Variants in SLC30A8 observed in about 807,000 individuals in gnomAD.
SLC30A8 encodes solute carrier family 30 member 8.
A neutral mutation model predicts 36.9 loss-of-function variants in SLC30A8; 27 were observed. The observed-to-expected ratio is 0.73, with a 90% confidence interval of 0.54 to 1.01. The LOEUF (loss-of-function observed/expected upper bound fraction) is 1.01. SLC30A8 is among the 50% of genes least tolerant of loss of function. The probability of loss-of-function intolerance (pLI) is 0.00; values close to 1 mark genes in which losing one functional copy is unlikely to be tolerated. For missense variants in SLC30A8, 439 were observed against 452.0 expected (o/e 0.97, Z 0.26); for synonymous variants, 164 against 172.4 (o/e 0.95, Z 0.38).
chr8:117,000,998 C>G (rs1488905834), intron 1 of SLC30A8, among the ~76,000 whole-genome samples: 3 of 151,754 alleles, frequency 2.0e-5, no homozygotes, highest in Non-Finnish European at 4.4e-5. Context: ...TCCATTTTCC[C>G]CTTCATCTTT....
intron 1 of SLC30A8, among the ~76,000 whole-genome samples, chr8:117,142,924 G>A (rs1465380558): frequency 1.3e-5 from 2 of 152,034 alleles, no homozygotes; most frequent in Non-Finnish European, 1.5e-5. Flanking sequence ...GCCCTTTTTA[G>A]GTATGCAGTA....
chr8:117,014,107 C>T (rs1816431920), intron 1 of SLC30A8, among the ~76,000 whole-genome samples: 1 of 152,082 alleles, frequency 6.6e-6, no homozygotes, highest in African/African-American at 2.4e-5. Flanking sequence ...CGTTTAATGG[C>T]AAAACCGCAA....
chr8:117,139,563 A>G (rs1265479569), intron 1 of SLC30A8, among the ~76,000 whole-genome samples: 1 of 152,116 alleles, frequency 6.6e-6, no homozygotes, highest in Non-Finnish European at 1.5e-5. Flanking sequence ...GAAGCAGACA[A>G]ATTTAATTGG....
chr8:116,981,919 T>C (rs1012414209), intron 1 of SLC30A8, among the ~76,000 whole-genome samples: 1 of 152,210 alleles, frequency 6.6e-6, no homozygotes, highest in African/African-American at 2.4e-5. Flanking sequence ...TTACATTCCT[T>C]TGTGTATATA....
At chr8:117,084,667 A>C (rs1818803491) in intron 2 of SLC30A8, among the ~76,000 whole-genome samples, 1 of 152,060 alleles carries the variant, frequency 6.6e-6, no homozygotes, top group Non-Finnish European at 1.5e-5. Context: ...GTGTTTTTAT[A>C]GGTGTGAACT....
intron 2 of SLC30A8, among the ~76,000 whole-genome samples, chr8:117,099,817 ATGTAT>A (rs1819632023): frequency 6.6e-6 from 1 of 152,172 alleles, no homozygotes; most frequent in Non-Finnish European, 1.5e-5. Flanking sequence ...ATGAGATGAC[ATGTAT>A]TGTTTGTTTT....
At chr8:117,161,994 A>G (rs923300335) in intron 5 of SLC30A8, 106 bp downstream of exon 5, 8 of 984,690 alleles carry the variant, frequency 8.1e-6, no homozygotes, top group Non-Finnish European at 1.0e-5. Flanking sequence ...CTGTTTACCT[A>G]TACAAACTAC....
chr8:117,076,683 C>T (rs1179656602), intron 2 of SLC30A8, among the ~76,000 whole-genome samples: 1 of 152,148 alleles, frequency 6.6e-6, no homozygotes, highest in African/African-American at 2.4e-5. Context: ...TTCAACTAAA[C>T]TACATGTCAC....
chr8:117,062,536 T>TA (rs1010996983), intron 2 of SLC30A8, among the ~76,000 whole-genome samples: 4 of 152,156 alleles, frequency 2.6e-5, no homozygotes, highest in Non-Finnish European at 5.9e-5. Flanking sequence ...TCATGAGAGA[T>TA]ACACCCCTGA....
At chr8:117,061,471 A>G (rs1411325434) in intron 2 of SLC30A8, among the ~76,000 whole-genome samples, 3 of 152,244 alleles carry the variant, frequency 2.0e-5, no homozygotes, top group Non-Finnish European at 4.4e-5. Flanking sequence ...TCCTATAAAT[A>G]TGAACATGTG....
intron 6 of SLC30A8, among the ~76,000 whole-genome samples, chr8:117,170,176 A>T (rs1450176488): frequency 6.6e-6 from 1 of 152,120 alleles, no homozygotes; most frequent in Non-Finnish European, 1.5e-5. Context: ...AGTCATCAGG[A>T]TTTCTAAAAT....
At position 117,147,107 on chromosome 8, in the gene SLC30A8, T is replaced by G. The variant is rs1226967241; in HGVS notation, c.225T>G (p.Cys75Trp). 2 of 1,613,992 alleles carry G rather than the reference T, an allele frequency of 1.2e-6. No individual in the cohort carries two copies. Among genetic ancestry groups the G allele is most frequent in the African/African-American group, 2.7e-5 (2 of 74,942 alleles). Reference sequence around the variant, plus strand: ...ACGCCTATGCCAAGTGGAAACTCTGTTCTGCTTCAGCAATATGCTTCATTT... The same window carrying G: ...ACGCCTATGCCAAGTGGAAACTCTGGTCTGCTTCAGCAATATGCTTCATTT... ...NEYAYAKWKL[C>W]SASAICFIFM... The change falls in exon 2 of 8, where the codon TGT becomes TGG. Residue 75 changes from cysteine (C) to tryptophan (W), a missense_variant. Physicochemically the swap from Cys to Trp is radical, Grantham distance 215. Coordinates refer to ENST00000456015, the MANE Select transcript of SLC30A8 (RefSeq NM_173851.3).
intron 1 of SLC30A8, among the ~76,000 whole-genome samples, chr8:116,984,839 A>T (rs762856128): frequency 5.9e-5 from 9 of 152,036 alleles, no homozygotes; most frequent in Non-Finnish European, 1.0e-4. Context: ...TCTTTCACAG[A>T]GGAAATTTTT....
intron 2 of SLC30A8, among the ~76,000 whole-genome samples, chr8:117,124,973 A>G (rs1477991733): frequency 6.6e-6 from 1 of 151,986 alleles, no homozygotes; most frequent in East Asian, 1.9e-4. Flanking sequence ...CATACATAGC[A>G]TCTAATGAAA....
chr8:117,097,560 TTATA>T (rs1321535742), intron 2 of SLC30A8, among the ~76,000 whole-genome samples: 1 of 109,076 alleles, frequency 9.2e-6, no homozygotes, highest in African/African-American at 3.7e-5. Flanking sequence ...ATAATATATA[TTATA>T]TATAATATAT....
intron 1 of SLC30A8, among the ~76,000 whole-genome samples, chr8:116,998,095 A>AAAGTTG (rs1815881451): frequency 6.6e-6 from 1 of 152,216 alleles, no homozygotes. Context: ...CAGGCATAAA[A>AAAGTTG]AAGTTGAAGA....
At chr8:117,066,909 A>AT in intron 2 of SLC30A8, among the ~76,000 whole-genome samples, 1 of 152,288 alleles carries the variant, frequency 6.6e-6, no homozygotes, top group South Asian at 2.1e-4. Flanking sequence ...AGCCTCCTGT[A>AT]TTAGTCTGTT....
At chr8:117,167,485 A>ATT (rs1823117764) in intron 6 of SLC30A8, among the ~76,000 whole-genome samples, 1 of 147,758 alleles carries the variant, frequency 6.8e-6, no homozygotes, top group Non-Finnish European at 1.5e-5. Context: ...ATTTGCATAT[A>ATT]TATATATACA....
At chr8:117,140,736 TAAAG>T (rs1821613965) in intron 1 of SLC30A8, among the ~76,000 whole-genome samples, 1 of 151,820 alleles carries the variant, frequency 6.6e-6, no homozygotes, top group South Asian at 2.1e-4. Flanking sequence ...CAAAAATCAG[TAAAG>T]AAAGCAATAG....
Sources: allele counts gnomAD v4.1 joint callset (sites outside exome capture counted in the v4.1 genomes callset), GRCh38; gene constraint gnomAD v4.1.1; transcripts MANE v1.5; gene names NCBI Gene and HGNC (gene_info 2026-07-23, HGNC 2026-07-21).